Variants in TF observed in about 807,000 individuals in gnomAD.
TF encodes serotransferrin.
In TF, 55 loss-of-function variants were observed where a neutral mutation model predicts 82.4. The ratio of observed to expected loss-of-function variants is 0.67; its 90% CI spans 0.54 to 0.84. TF has a LOEUF of 0.84. TF is among the 40% of genes least tolerant of loss of function. The pLI is 0.00. For synonymous variants in TF, 332 were observed against 332.6 expected (o/e 1.00, Z 0.02); for missense variants, 737 against 868.4 (o/e 0.85, Z 1.90).
At chr3:133,749,534 C>T (rs867321651) in intron 2 of TF, among the ~76,000 whole-genome samples, 1 of 152,184 alleles carries the variant, frequency 6.6e-6, no homozygotes, top group Non-Finnish European at 1.5e-5. Context: ...GGAGAGTGTT[C>T]TGACAGGGAC....
chr3:133,738,016 A>G, the TF span, among the ~76,000 whole-genome samples: 1 of 152,174 alleles, frequency 6.6e-6, no homozygotes, highest in African/African-American at 2.4e-5. Flanking sequence ...CAAAAAAAGA[A>G]AATTTCAGGT....
intron 14 of TF, among the ~76,000 whole-genome samples, chr3:133,772,561 A>G (rs1413143136): frequency 6.6e-6 from 1 of 152,202 alleles, no homozygotes; most frequent in Non-Finnish European, 1.5e-5. Flanking sequence ...TATACAATCC[A>G]TATACAACTC....
chr3:133,778,516 A>G, intron 16 of TF, 70 bp from the exon 17 acceptor site: 1 of 1,547,704 alleles, frequency 6.5e-7, no homozygotes. Flanking sequence ...GAAATTGTTC[A>G]ATCACTCGAC....
chr3:133,742,156 AT>A (rs202092186), upstream of TF, among the ~76,000 whole-genome samples: 936 of 152,032 alleles, frequency 6.2e-3, 10 homozygotes, highest in African/African-American at 0.021. Flanking sequence ...GCTGATTTAA[AT>A]TTTTTGTAGA....
chr3:133,752,426 C>T (rs896781252), intron 2 of TF, among the ~76,000 whole-genome samples: 9 of 152,104 alleles, frequency 5.9e-5, no homozygotes, highest in African/African-American at 2.2e-4. Flanking sequence ...AATAAGAAAT[C>T]TTCATAGAGA....
chr3:133,666,797 GA>G, the TF span, among the ~76,000 whole-genome samples: 2 of 152,168 alleles, frequency 1.3e-5, no homozygotes, highest in African/African-American at 4.8e-5. Context: ...AGCATTTTGG[GA>G]GGCTGAGGCA....
At chr3:133,721,364 AG>A in the TF span, among the ~76,000 whole-genome samples, 1 of 152,164 alleles carries the variant, frequency 6.6e-6, no homozygotes, top group South Asian at 2.1e-4. Context: ...GTGGTTTAGA[AG>A]CATGATGTTT....
At chr3:133,774,744 G>A (rs1315995891) in intron 14 of TF, 2 of 198,064 alleles carry the variant, frequency 1.0e-5, no homozygotes, top group Admixed American at 1.1e-4. Flanking sequence ...AAAATTAAAT[G>A]AAAAATACAT....
chr3:133,683,345 A>C, the TF span, among the ~76,000 whole-genome samples: 1 of 152,228 alleles, frequency 6.6e-6, no homozygotes, highest in Non-Finnish European at 1.5e-5. Flanking sequence ...TCAAATTCAC[A>C]CATAACAATA....
At chr3:133,775,738 TG>T in intron 15 of TF, 121 bp downstream of exon 15, 1 of 984,854 alleles carries the variant, frequency 1.0e-6, no homozygotes, top group Non-Finnish European at 1.6e-6. Flanking sequence ...TAGAATTCCA[TG>T]CATTGTGCAT....
At chr3:133,748,174 G>GC (rs1933557218) in intron 1 of TF, 2 of 573,576 alleles carry the variant, frequency 3.5e-6, no homozygotes, top group Admixed American at 5.7e-5. Flanking sequence ...TGATGGCCAT[G>GC]CCTGCACCCC....
chr3:133,778,305 AG>A (rs530053121), intron 16 of TF: 11 of 369,228 alleles, frequency 3.0e-5, no homozygotes, highest in Non-Finnish European at 5.7e-5. Flanking sequence ...TCCTGGCCTC[AG>A]GAACTCAGAT....
chr3:133,782,313 T>C lies in TF; in HGVS notation c.*3693T>C, dbSNP rs1934530743. The C allele has an allele frequency of 6.6e-6, 1 of 152,130 alleles. No individual in the cohort carries two copies. Among genetic ancestry groups the C allele is most frequent in the South Asian group, 2.1e-4 (1 of 4,826 alleles). 9.4% of individuals were successfully genotyped at this position (152,130 alleles called of 1,614,324 possible). A position where few individuals can be genotyped will look rare whatever the true frequency, so the allele number is the denominator to read the frequency against. ...GGGGATATACACAAATAAAATGAGATAGCCACCTTGTAGAGATAAATGTGA... is the reference window on the plus strand; with the variant it reads ...GGGGATATACACAAATAAAATGAGACAGCCACCTTGTAGAGATAAATGTGA... On this transcript the variant is annotated 3_prime_UTR_variant, in exon 17 of 17. Transcript: ENST00000402696.
At chr3:133,754,725 C>T (rs1933777045) in intron 4 of TF, 54 bp downstream of exon 4, 1 of 1,575,854 alleles carries the variant, frequency 6.3e-7, no homozygotes, top group African/African-American at 1.4e-5. Context: ...CTCCAGATGC[C>T]CACACAGGCT....
chr3:133,724,277 G>A, the TF span, among the ~76,000 whole-genome samples: 1 of 152,310 alleles, frequency 6.6e-6, no homozygotes, highest in Non-Finnish European at 1.5e-5. Flanking sequence ...CACCAACAGT[G>A]TAAAAGTGTT....
chr3:133,756,873 T>C lies in TF; in HGVS notation c.734T>C (p.Leu245Pro). The C allele has an allele frequency of 6.2e-7, 1 of 1,614,196 alleles. No homozygotes were observed. Residue 245 changes from leucine to proline, a missense_variant, in exon 7 of 17, where the codon CTT becomes CCT. By Grantham distance (98) the Leu-to-Pro change is moderately conservative. Coordinates refer to ENST00000402696, the MANE Select transcript of TF (RefSeq NM_001063.4). ...GCTGACAGGGACCAGTATGAGCTGC[T>C]TTGCCTGGACAACACCCGGAAGCCG... ...NKADRDQYEL[L>P]CLDNTRKPVD...
chr3:133,730,285 AATGGC>A, the TF span, among the ~76,000 whole-genome samples: 5 of 152,302 alleles, frequency 3.3e-5, no homozygotes, highest in East Asian at 9.6e-4. Flanking sequence ...TCCTTCTGGA[AATGGC>A]ATTTTCACAT....
At chr3:133,765,393 C>G (rs184403804) in intron 11 of TF, among the ~76,000 whole-genome samples, 35 of 152,342 alleles carry the variant, frequency 2.3e-4, no homozygotes, top group Non-Finnish European at 4.7e-4. Context: ...AGGGCTGGGT[C>G]CAGGAACCCA....
chr3:133,708,197 A>G, the TF span, among the ~76,000 whole-genome samples: 2 of 152,202 alleles, frequency 1.3e-5, no homozygotes, highest in African/African-American at 4.8e-5. Flanking sequence ...ATATATAATA[A>G]GATATAACTT....
Sources: gnomAD v4.1 joint callset for allele counts (sites outside exome capture counted in the v4.1 genomes callset) on GRCh38, gnomAD v4.1.1 for gene constraint, MANE v1.5 for transcripts, NCBI Gene and HGNC (gene_info 2026-07-23, HGNC 2026-07-21) for gene names.